PDCD6IP: variants seen among roughly 807,000 people sequenced by gnomAD.
PDCD6IP encodes the protein programmed cell death 6-interacting protein.
PDCD6IP carries 43 observed loss-of-function variants against 103.7 expected under a neutral mutation model. That is an observed-to-expected ratio of 0.41 (90% CI 0.32 to 0.53). The LOEUF (loss-of-function observed/expected upper bound fraction) is 0.53. PDCD6IP is among the 20% of genes least tolerant of loss of function. The pLI, the probability that PDCD6IP is intolerant of heterozygous loss-of-function variation, is 0.16. For synonymous variants in PDCD6IP, 354 were observed against 378.7 expected, an observed-to-expected ratio of 0.93 and a Z score of 0.76; for missense variants, 871 against 1,036.7, an observed-to-expected ratio of 0.84 and a Z score of 2.20.
chr3:33,863,432 C>G lies in PDCD6IP; in HGVS notation c.2121-574C>G, dbSNP rs189820952. Among the ~76,000 whole-genome samples the G allele has an allele frequency of 2.6e-4, 39 of 152,274 alleles. No individual in the cohort carries two copies. The East Asian group carries it at 6.7e-3, about 26-fold the overall frequency. ...ATCCACCCTCTCTTCATCCCCACCC[C>G]CTACTCTTTCTTGACTCTAGTAACC... On this transcript the variant is annotated intron_variant, in intron 15 of 17. Coordinates refer to ENST00000307296, the MANE Select transcript of PDCD6IP (RefSeq NM_013374.6).
chr3:33,821,318 G>A (rs1559778960), intron 3 of PDCD6IP, among the ~76,000 whole-genome samples: 1 of 151,938 alleles, frequency 6.6e-6, no homozygotes, highest in Non-Finnish European at 1.5e-5. Context: ...CCACGAGTTT[G>A]CGTTCCTGCC....
At chr3:33,806,700 T>TA (rs1052720302) in intron 1 of PDCD6IP, among the ~76,000 whole-genome samples, 2 of 152,228 alleles carry the variant, frequency 1.3e-5, no homozygotes, top group Non-Finnish European at 2.9e-5. Flanking sequence ...ACTTAAATGT[T>TA]AAAGAGAAGG....
chr3:33,846,292 G>T (rs936420413), intron 12 of PDCD6IP, among the ~76,000 whole-genome samples: 10 of 152,130 alleles, frequency 6.6e-5, no homozygotes, highest in African/African-American at 2.2e-4. Flanking sequence ...TTTGAGTTTT[G>T]TTCCTTATTT....
intron 8 of PDCD6IP, among the ~76,000 whole-genome samples, chr3:33,837,416 CT>C (rs1559787310): frequency 6.6e-6 from 1 of 152,152 alleles, no homozygotes; most frequent in African/African-American, 2.4e-5. Context: ...TCTTTAAGCA[CT>C]TTACAAATAT....
At chr3:33,840,811 T>C (rs550757511) in intron 9 of PDCD6IP, among the ~76,000 whole-genome samples, 1 of 152,318 alleles carries the variant, frequency 6.6e-6, no homozygotes, top group East Asian at 1.9e-4. Context: ...ATTATAACTA[T>C]TGATTCTGTT....
intron 4 of PDCD6IP, among the ~76,000 whole-genome samples, chr3:33,823,059 T>G (rs951756950): frequency 1.3e-5 from 2 of 152,236 alleles, no homozygotes; most frequent in Non-Finnish European, 2.9e-5. Flanking sequence ...TCATTTTATA[T>G]TACTTTCTAA....
chr3:33,833,184 A>G (rs775975795), intron 7 of PDCD6IP, among the ~76,000 whole-genome samples: 34 of 152,186 alleles, frequency 2.2e-4, no homozygotes, highest in Admixed American at 1.6e-3. Flanking sequence ...ATTTTGCTAG[A>G]TGGGTCATTA....
chr3:33,830,892 A>G (rs1697229860), intron 7 of PDCD6IP, among the ~76,000 whole-genome samples: 1 of 152,212 alleles, frequency 6.6e-6, no homozygotes, highest in African/African-American at 2.4e-5. Flanking sequence ...ATAATACCCC[A>G]TGATTCTGAC....
At chr3:33,857,190 A>ATT (rs34020687) in intron 15 of PDCD6IP, among the ~76,000 whole-genome samples, 6,150 of 151,578 alleles carry the variant, frequency 0.041, 186 homozygotes, top group South Asian at 0.075. Flanking sequence ...AAAAAAGGTG[A>ATT]TTTTTTTTTA....
At chr3:33,833,674 A>G (rs1697286993) in intron 7 of PDCD6IP, among the ~76,000 whole-genome samples, 1 of 152,116 alleles carries the variant, frequency 6.6e-6, no homozygotes, top group Non-Finnish European at 1.5e-5. Context: ...AGTTTTTAGC[A>G]TGCTGTTTTC....
intron 3 of PDCD6IP, among the ~76,000 whole-genome samples, chr3:33,816,221 G>A (rs563727201): frequency 1.3e-5 from 2 of 152,138 alleles, no homozygotes; most frequent in African/African-American, 4.8e-5. Flanking sequence ...AAATATCTCC[G>A]GGTGGCCGGG....
intron 7 of PDCD6IP, among the ~76,000 whole-genome samples, chr3:33,830,734 C>T (rs1295470962): frequency 6.6e-6 from 1 of 152,118 alleles, no homozygotes; most frequent in Non-Finnish European, 1.5e-5. Context: ...ACAGAACACA[C>T]TCACTGATCC....
At chr3:33,828,496 G>C (rs1426165177) in intron 6 of PDCD6IP, 1 of 165,874 alleles carries the variant, frequency 6.0e-6, no homozygotes, top group African/African-American at 2.4e-5. Flanking sequence ...TGTGCTTTGT[G>C]TTCCTCTGTG....
At chr3:33,826,834 G>T in intron 6 of PDCD6IP, 1 of 1,244,374 alleles carries the variant, frequency 8.0e-7, no homozygotes, top group Non-Finnish European at 1.0e-6. Context: ...TCTGGAAAAT[G>T]TTGACCATCT....
chr3:33,827,146 T>C, intron 6 of PDCD6IP: 1 of 985,318 alleles, frequency 1.0e-6, no homozygotes, highest in Non-Finnish European at 1.2e-6. Context: ...GTATAATGTT[T>C]TAATGTAAAC....
At chr3:33,835,697 G>A (rs911025740) in intron 7 of PDCD6IP, among the ~76,000 whole-genome samples, 3 of 151,848 alleles carry the variant, frequency 2.0e-5, no homozygotes, top group Non-Finnish European at 4.4e-5. Context: ...CAGCCTGGGC[G>A]TCACAGAGTG....
chr3:33,822,181 G>T, intron 4 of PDCD6IP, 99 bp downstream of exon 4: 1 of 1,249,028 alleles, frequency 8.0e-7, no homozygotes. Flanking sequence ...TTACGCAACA[G>T]ATGTTTTCTA....
intron 12 of PDCD6IP, among the ~76,000 whole-genome samples, chr3:33,849,506 A>G (rs1295631128): frequency 6.8e-6 from 1 of 146,926 alleles, no homozygotes; most frequent in East Asian, 2.0e-4. Context: ...TGTCCATAGC[A>G]TCTAGAATGG....
At chr3:33,809,806 A>G (rs1449188652) in intron 1 of PDCD6IP, among the ~76,000 whole-genome samples, 1 of 152,158 alleles carries the variant, frequency 6.6e-6, no homozygotes, top group Non-Finnish European at 1.5e-5. Flanking sequence ...TGACCTTGAC[A>G]TTTTTGAAGA....
Sources: allele counts gnomAD v4.1 joint callset (sites outside exome capture counted in the v4.1 genomes callset), GRCh38; gene constraint gnomAD v4.1.1; transcripts MANE v1.5; gene names NCBI Gene and HGNC (gene_info 2026-07-23, HGNC 2026-07-21).